AKAP8: variants seen among roughly 807,000 people sequenced by gnomAD.
The protein encoded by AKAP8 is A-kinase anchor protein 8.
A neutral mutation model predicts 67.5 loss-of-function variants in AKAP8; 24 were observed. That is an observed-to-expected ratio of 0.36 (90% CI 0.26 to 0.50). AKAP8 has a LOEUF of 0.50. AKAP8 is among the 20% of genes least tolerant of loss of function. The pLI is 0.97. For missense variants in AKAP8, 971 were observed against 955.9 expected (o/e 1.02, Z -0.21); for synonymous variants, 400 against 371.1 (o/e 1.08, Z -0.90).
chr19:15,373,009 G>A lies in AKAP8; in HGVS notation c.703C>T (p.Leu235=), dbSNP rs890195251. ...NELNYVGGRG[L]GGPSPSRPPP... is the part of the protein sequence containing the mutation. ...GGCCGGCTGGGGGAGGGCCCTCCCA[G>A]GCCCCGTCCACCCACGTAGTTCAGC... Residue 235 remains leucine (L), a synonymous_variant, in exon 5 of 14, where the codon CTG becomes TTG. Coordinates refer to ENST00000269701, the MANE Select transcript of AKAP8 (RefSeq NM_005858.4). 3 of 1,573,482 alleles carry A rather than the reference G, an allele frequency of 1.9e-6. No homozygotes were observed. The highest frequency in any genetic ancestry group is 2.7e-5 in the African/African-American group (2 of 74,180).
At chr19:15,368,794 C>G in intron 8 of AKAP8, 2 of 985,358 alleles carry the variant, frequency 2.0e-6, no homozygotes, top group Non-Finnish European at 2.4e-6. Context: ...GTCCTGGCGG[C>G]CCCGTCTGAA....
Position 15,354,865 on chromosome 19 carries a change from A to C in AKAP8, c.*50T>G, listed in dbSNP as rs758440981. ...ACTGCTTACAAACCAAGGGAGAAAG[A>C]CCAACGCATCCATCATCCCAACGCC... is the stretch of plus-strand genomic sequence containing the variant. On this transcript the variant is annotated 3_prime_UTR_variant, in exon 14 of 14. Coordinates refer to ENST00000269701, the MANE Select transcript of AKAP8 (RefSeq NM_005858.4). 6 of 1,592,478 alleles carry C rather than the reference A, an allele frequency of 3.8e-6. No individual in the cohort carries two copies. The highest frequency in any genetic ancestry group is 5.1e-6 in the Non-Finnish European group (6 of 1,167,262).
chr19:15,372,082 T>C (rs1343770725), intron 6 of AKAP8, 84 bp from the exon 7 acceptor site: 1 of 1,608,576 alleles, frequency 6.2e-7, no homozygotes, highest in Admixed American at 1.7e-5. Flanking sequence ...CCATCCAGGG[T>C]GAGTCTGCCC....
At chr19:15,378,598 A>G (rs1967300814) in intron 1 of AKAP8, among the ~76,000 whole-genome samples, 1 of 152,158 alleles carries the variant, frequency 6.6e-6, no homozygotes, top group Non-Finnish European at 1.5e-5. Context: ...GAAGACACCA[A>G]AGCACACCGC....
chr19:15,355,263 G>A lies in AKAP8; in HGVS notation c.1731C>T (p.Val577=). Residue 577 remains valine, a synonymous_variant, in exon 14 of 14, where the codon GTC becomes GTT. Coordinates refer to ENST00000269701, the MANE Select transcript of AKAP8 (RefSeq NM_005858.4). ...CTGCTGCTGTAATCACCTCTGCTAA[G>A]ACGTCCGCGGCCACCTCCTCAGGTG... is the stretch of plus-strand genomic sequence containing the variant. ...KETPEEVAAD[V]LAEVITAAVR... 3.7e-6 allele frequency: 6 copies of A among 1,612,764 alleles called. No individual in the cohort carries two copies. Among genetic ancestry groups the A allele is most frequent in the Non-Finnish European group, 5.1e-6 (6 of 1,180,038 alleles).
intron 11 of AKAP8, 54 bp downstream of exon 11, chr19:15,361,675 G>A: frequency 6.6e-7 from 1 of 1,520,584 alleles, no homozygotes; most frequent in Non-Finnish European, 9.1e-7. Context: ...TACGGGTCCT[G>A]TCACATGCCT....
chr19:15,373,383 A>T, intron 4 of AKAP8, 43 bp from the exon 5 acceptor site: 1 of 1,555,258 alleles, frequency 6.4e-7, no homozygotes, highest in Non-Finnish European at 8.7e-7. Context: ...CACCCCGATC[A>T]CCCACTGCCA....
intron 1 of AKAP8, 36 bp downstream of exon 1, chr19:15,379,677 T>A (rs1743388112): frequency 6.2e-7 from 1 of 1,601,232 alleles, no homozygotes; most frequent in South Asian, 1.1e-5. Context: ...CACAGAGCCT[T>A]CCCTCCCCGC....
At chr19:15,372,067 G>C in intron 6 of AKAP8, 69 bp from the exon 7 acceptor site, 1 of 1,610,780 alleles carries the variant, frequency 6.2e-7, no homozygotes, top group Non-Finnish European at 8.5e-7. Context: ...GCCCTCCCAA[G>C]CTCGCCATCC....
intron 11 of AKAP8, chr19:15,361,361 T>G: frequency 4.6e-6 from 1 of 215,646 alleles, no homozygotes; most frequent in Non-Finnish European, 9.3e-6. Context: ...TTTTTTTTTT[T>G]TTTTTTTGAG....
At position 15,362,005 on chromosome 19, in the gene AKAP8, G is replaced by T. The variant is rs553901661; in HGVS notation, c.1302+105C>A. On this transcript the variant is annotated intron_variant, in intron 10 of 13. Coordinates refer to ENST00000269701, the MANE Select transcript of AKAP8 (RefSeq NM_005858.4). ...TACACAGCTACTCTATCTGGGAAAGGAAACCTTGGCCAAGTATAGCCTCTG... is the reference window on the plus strand; with the variant it reads ...TACACAGCTACTCTATCTGGGAAAGTAAACCTTGGCCAAGTATAGCCTCTG... The T allele has an allele frequency of 2.0e-6, 3 of 1,500,010 alleles. No individual in the cohort carries two copies. In the African/African-American group the frequency reaches 4.2e-5, roughly 21 times the overall value. The allele number at this position is 1,500,010 out of a possible 1,614,324, so 92.9% of individuals were successfully genotyped here.
intron 2 of AKAP8, 63 bp downstream of exon 2, chr19:15,376,913 G>A: frequency 3.2e-6 from 5 of 1,570,518 alleles, no homozygotes; most frequent in Non-Finnish European, 4.3e-6. Context: ...GTTCAGCTCT[G>A]CCATGCTAGG....
chr19:15,354,489 T>C lies in AKAP8; in HGVS notation c.*426A>G. 1 of 179,626 alleles carries C rather than the reference T, an allele frequency of 5.6e-6. No homozygotes were observed. The allele number at this position is 179,626 out of a possible 1,614,324, so 11.1% of individuals were successfully genotyped here. A position where few individuals can be genotyped will look rare whatever the true frequency, so the allele number is the denominator to read the frequency against. On this transcript the variant is annotated 3_prime_UTR_variant, in exon 14 of 14. Transcript: ENST00000269701. ...AGGTTAAAGGCTGAAGCTTGAAACA[T>C]ACAAAAAAAAATCCTCTATAGAGCA...
chr19:15,375,442 G>A (rs190246475), intron 2 of AKAP8, among the ~76,000 whole-genome samples: 5 of 152,204 alleles, frequency 3.3e-5, no homozygotes, highest in South Asian at 2.1e-4. Context: ...TGAATTTTAC[G>A]TTTTTAAATG....
Position 15,373,177 on chromosome 19 carries a change from C to T in AKAP8, c.535G>A (p.Glu179Lys). The T allele has an allele frequency of 6.2e-7, 1 of 1,613,674 alleles. No individual in the cohort carries two copies. The highest frequency in any genetic ancestry group is 2.2e-5 in the East Asian group (1 of 44,888). Residue 179 changes from glutamate to lysine, a missense_variant, in exon 5 of 14, where the codon GAG becomes AAG. This residue lies in a region of AKAP8 where 763 missense variants were observed against 745.4 expected (regional missense o/e 1.02). Transcript: ENST00000269701. ...ATGAAGCCATCAAGGGAGCCCCGCTCCCGGGCTGGGTCTCGGCATTCACTG... is the reference window on the plus strand; with the variant it reads ...ATGAAGCCATCAAGGGAGCCCCGCTTCCGGGCTGGGTCTCGGCATTCACTG... ...QYSECRDPARERGSLDGFMRG... is the reference protein window; with the variant it reads ...QYSECRDPARKRGSLDGFMRG...
At chr19:15,368,169 G>C (rs1967098136) in intron 9 of AKAP8, 66 bp downstream of exon 9, 1 of 1,590,476 alleles carries the variant, frequency 6.3e-7, no homozygotes, top group African/African-American at 1.3e-5. Context: ...GAGGACAGGT[G>C]AGCTCGGCAG....
rs775676190 is a variant in AKAP8 at position 15,373,289 on chromosome 19, C to A, written c.423G>T (p.Pro141=). The A allele has an allele frequency of 1.9e-6, 3 of 1,613,442 alleles. No individual in the cohort carries two copies. The highest frequency in any genetic ancestry group is 2.5e-6 in the Non-Finnish European group (3 of 1,179,926). ...AGCTGGGGCGGTAGGGGTTGTGCTC[C>A]GGCAGGCAGGGCCTGGAGTCATAGG... ...FESYDSRPCL[P]EHNPYRPSYS... Residue 141 remains proline, a synonymous_variant, in exon 5 of 14, where the codon CCG becomes CCT. Coordinates refer to ENST00000269701, the MANE Select transcript of AKAP8 (RefSeq NM_005858.4).
intron 4 of AKAP8, 96 bp downstream of exon 4, chr19:15,373,690 G>A (rs1187159518): frequency 2.6e-5 from 36 of 1,393,106 alleles, no homozygotes; most frequent in South Asian, 1.4e-4. Flanking sequence ...AGAGGGAGGC[G>A]GGGACAGGCC....
chr19:15,370,042 A>G (rs1967128738), intron 8 of AKAP8, 104 bp downstream of exon 8: 2 of 1,427,428 alleles, frequency 1.4e-6, no homozygotes, highest in African/African-American at 2.8e-5. Context: ...CCCCACAGCC[A>G]CGGGCCCCTC....
Sources: gnomAD v4.1 joint callset for allele counts (sites outside exome capture counted in the v4.1 genomes callset) on GRCh38, gnomAD v4.1.1 for gene constraint, gnomAD v4.1.1 regional missense constraint, MANE v1.5 for transcripts, NCBI Gene and HGNC (gene_info 2026-07-23, HGNC 2026-07-21) for gene names.